Variants in FGF12 observed in about 807,000 individuals in gnomAD.
FGF12 encodes fibroblast growth factor 12B.
In FGF12, 14 loss-of-function variants were observed where a neutral mutation model predicts 23.6. The observed-to-expected ratio is 0.59, with a 90% CI of 0.39 to 0.93. The LOEUF is 0.93. Ranked by LOEUF, FGF12 falls within the 40% of genes least tolerant of loss-of-function variation. The pLI, the probability that FGF12 is intolerant of heterozygous loss-of-function variation, is 0.00. For synonymous variants in FGF12, 62 were observed against 77.3 expected, an observed-to-expected ratio of 0.80 and a Z score of 1.04; for missense variants, 175 against 217.8, an observed-to-expected ratio of 0.80 and a Z score of 1.24.
Position 192,154,409 on chromosome 3 carries a change from G to T in FGF12, c.428-10282C>A, listed in dbSNP as rs1246971993. Among the ~76,000 whole-genome samples the T allele has an allele frequency of 1.7e-5, 2 of 119,366 alleles. 1 individual carries two copies. Among genetic ancestry groups the T allele is most frequent in the Non-Finnish European group, 3.7e-5 (2 of 54,356 alleles). 78.3% of individuals were successfully genotyped at this position (119,366 alleles called of 152,430 possible). A position where few individuals can be genotyped will look rare whatever the true frequency, so the allele number is the denominator to read the frequency against. ...GACGCTCTGCATTTTAGAGTTTCCA[G>T]TTTTTCTGTTCTGTTTTTTCCCCAT... On this transcript the variant is annotated intron_variant, in intron 5 of 5. Transcript: ENST00000445105.
chr3:192,500,379 G>A (rs962970136), intron 2 of FGF12, among the ~76,000 whole-genome samples: 1 of 152,108 alleles, frequency 6.6e-6, no homozygotes, highest in African/African-American at 2.4e-5. Flanking sequence ...AAATAGAATA[G>A]GATTTCAGAC....
intron 4 of FGF12, among the ~76,000 whole-genome samples, chr3:192,228,094 G>A (rs1220003389): frequency 1.3e-5 from 2 of 151,956 alleles, no homozygotes; most frequent in Admixed American, 6.6e-5. Flanking sequence ...CCATGGTGAC[G>A]ATAGTTAACA....
intron 2 of FGF12, among the ~76,000 whole-genome samples, chr3:192,659,990 G>C (rs953732703): frequency 6.6e-6 from 1 of 151,460 alleles, no homozygotes; most frequent in Admixed American, 6.6e-5. Flanking sequence ...ATAATCCTTT[G>C]GGTATATATC....
chr3:192,373,932 C>G (rs1187566654), intron 2 of FGF12, among the ~76,000 whole-genome samples: 1 of 152,192 alleles, frequency 6.6e-6, no homozygotes, highest in Non-Finnish European at 1.5e-5. Flanking sequence ...TGATCTACCC[C>G]TAGCTAAGGA....
chr3:192,231,571 A>G (rs368854690), intron 4 of FGF12, among the ~76,000 whole-genome samples: 7 of 152,166 alleles, frequency 4.6e-5, no homozygotes, highest in African/African-American at 1.7e-4. Flanking sequence ...GGAGTTCAAG[A>G]CCAGCCTGGA....
At chr3:192,472,293 G>A (rs1202239597) in intron 2 of FGF12, among the ~76,000 whole-genome samples, 1 of 152,146 alleles carries the variant, frequency 6.6e-6, no homozygotes, top group East Asian at 1.9e-4. Context: ...TGGGATTACA[G>A]GCATAAGCCA....
chr3:192,197,105 G>C (rs1019194832), intron 4 of FGF12, among the ~76,000 whole-genome samples: 1 of 152,178 alleles, frequency 6.6e-6, no homozygotes, highest in African/African-American at 2.4e-5. Context: ...TGTTCCTATT[G>C]ATTGCTTAGA....
chr3:192,549,494 G>A (rs1332530126), intron 2 of FGF12, among the ~76,000 whole-genome samples: 1 of 152,114 alleles, frequency 6.6e-6, no homozygotes, highest in African/African-American at 2.4e-5. Flanking sequence ...ATGAAAAGGA[G>A]GATAAAATCA....
chr3:192,577,853 G>C (rs1420586967), intron 2 of FGF12, among the ~76,000 whole-genome samples: 1 of 126,802 alleles, frequency 7.9e-6, no homozygotes, highest in Non-Finnish European at 1.6e-5. Context: ...TATCCAAGAA[G>C]TCTTAAAATA....
chr3:192,197,106 A>G (rs1717106699), intron 4 of FGF12, among the ~76,000 whole-genome samples: 1 of 152,244 alleles, frequency 6.6e-6, no homozygotes, highest in Non-Finnish European at 1.5e-5. Context: ...GTTCCTATTG[A>G]TTGCTTAGAT....
At chr3:192,679,746 T>C (rs1352218496) in intron 2 of FGF12, among the ~76,000 whole-genome samples, 3 of 152,210 alleles carry the variant, frequency 2.0e-5, no homozygotes, top group Non-Finnish European at 4.4e-5. Context: ...AAACACCTTA[T>C]TATTCTAAAG....
chr3:192,652,788 T>C (rs1386598824), intron 2 of FGF12, among the ~76,000 whole-genome samples: 1 of 152,190 alleles, frequency 6.6e-6, no homozygotes, highest in African/African-American at 2.4e-5. Flanking sequence ...AATATCCTTA[T>C]ACCAAAAAAC....
At chr3:192,192,400 G>C (rs1251880376) in intron 4 of FGF12, among the ~76,000 whole-genome samples, 1 of 148,284 alleles carries the variant, frequency 6.7e-6, no homozygotes, top group African/African-American at 2.5e-5. Flanking sequence ...AAATTTGTAA[G>C]ATTTTTTGTT....
chr3:192,655,945 C>A (rs1716395129), intron 2 of FGF12, among the ~76,000 whole-genome samples: 1 of 148,284 alleles, frequency 6.7e-6, no homozygotes, highest in Non-Finnish European at 1.5e-5. Flanking sequence ...CTGTTTGGGA[C>A]TGGAGGGGAA....
chr3:192,302,283 C>G (rs992220075), intron 4 of FGF12, among the ~76,000 whole-genome samples: 1 of 152,210 alleles, frequency 6.6e-6, no homozygotes, highest in Non-Finnish European at 1.5e-5. Flanking sequence ...TAAACAGACT[C>G]TGCTCCATTT....
At chr3:192,321,979 C>G (rs1577351738) in intron 4 of FGF12, among the ~76,000 whole-genome samples, 1 of 151,590 alleles carries the variant, frequency 6.6e-6, no homozygotes, top group Middle Eastern at 3.4e-3. Flanking sequence ...AACAATCAGA[C>G]AAGAGAAAGA....
chr3:192,187,797 G>T (rs1716558374), intron 4 of FGF12, among the ~76,000 whole-genome samples: 1 of 151,440 alleles, frequency 6.6e-6, no homozygotes, highest in South Asian at 2.1e-4. Context: ...AGAAAAAAGA[G>T]AAAACTAAGA....
intron 2 of FGF12, among the ~76,000 whole-genome samples, chr3:192,458,116 T>C (rs143729321): frequency 0.01 from 1,573 of 152,166 alleles, 22 homozygotes; most frequent in African/African-American, 0.037. Context: ...TCAGAAGATG[T>C]ATGGAAACGC....
At chr3:192,435,714 T>C (rs1213147745) in intron 2 of FGF12, among the ~76,000 whole-genome samples, 1 of 152,204 alleles carries the variant, frequency 6.6e-6, no homozygotes, top group African/African-American at 2.4e-5. Context: ...AGCTTTGCTT[T>C]TCTGATAAAG....
Sources: gnomAD v4.1 joint callset for allele counts (sites outside exome capture counted in the v4.1 genomes callset) on GRCh38, gnomAD v4.1.1 for gene constraint, MANE v1.5 for transcripts, NCBI Gene and HGNC (gene_info 2026-07-23, HGNC 2026-07-21) for gene names.